CDH13: variants seen among roughly 807,000 people sequenced by gnomAD.
The protein encoded by CDH13 is cadherin-13.
A neutral mutation model predicts 63.8 loss-of-function variants in CDH13; 24 were observed. That is an observed-to-expected ratio of 0.38 (90% confidence interval 0.27 to 0.53). The LOEUF (loss-of-function observed/expected upper bound fraction) is 0.53. CDH13 is among the 20% of genes least tolerant of loss of function. The pLI is 0.85. For missense variants in CDH13, 1,049 were observed against 903.1 expected (o/e 1.16, Z -2.07); for synonymous variants, 503 against 355.3 (o/e 1.42, Z -4.67).
chr16:82,835,305 C>G (rs2038718518), intron 1 of CDH13, among the ~76,000 whole-genome samples: 1 of 152,188 alleles, frequency 6.6e-6, no homozygotes, highest in African/African-American at 2.4e-5. Flanking sequence ...AGAGCTGGAA[C>G]CAATTTATGC....
At position 82,970,382 on chromosome 16, in the gene CDH13, CTTTTTTTTTTTTT is replaced by C. The variant is rs558393653; in HGVS notation, c.158-61612_158-61600del. ...TTTGCTATTGTGAACAGTGCATATT[CTTTTTTTTTTTTT>C]TTTTTTTTTTTTTTTGAGACGGAGT... is the stretch of plus-strand genomic sequence containing the variant. On this transcript the variant is annotated intron_variant, in intron 2 of 13. Transcript: ENST00000567109. 7.8e-5 allele frequency among the ~76,000 whole-genome samples: 6 copies of C among 76,750 alleles called. 1 individual carries two copies. The highest frequency in any genetic ancestry group is 1.6e-4 in the Non-Finnish European group (6 of 38,502). The allele number at this position is 76,750 out of a possible 152,430, so 50.4% of individuals were successfully genotyped here. A position where few individuals can be genotyped will look rare whatever the true frequency, so the allele number is the denominator to read the frequency against.
intron 5 of CDH13, among the ~76,000 whole-genome samples, chr16:83,337,941 T>G (rs980290541): frequency 6.6e-6 from 1 of 151,622 alleles, no homozygotes; most frequent in Non-Finnish European, 1.5e-5. Context: ...ACAAAAAAAA[T>G]GTAAGGGAGT....
intron 1 of CDH13, among the ~76,000 whole-genome samples, chr16:82,804,366 A>C (rs996218416): frequency 6.6e-6 from 1 of 152,098 alleles, no homozygotes; most frequent in African/African-American, 2.4e-5. Context: ...GGTGATGGAT[A>C]TATTTACTAC....
At chr16:83,757,317 C>G (rs1567575802) in intron 11 of CDH13, among the ~76,000 whole-genome samples, 1 of 152,184 alleles carries the variant, frequency 6.6e-6, no homozygotes, top group Non-Finnish European at 1.5e-5. Flanking sequence ...GTGGCTCACT[C>G]CTGTAATCCC....
intron 2 of CDH13, among the ~76,000 whole-genome samples, chr16:82,886,895 G>A (rs1477783050): frequency 6.6e-6 from 1 of 152,082 alleles, no homozygotes; most frequent in African/African-American, 2.4e-5. Context: ...TATTCACTCT[G>A]CTCATTGAAG....
intron 7 of CDH13, among the ~76,000 whole-genome samples, chr16:83,590,379 G>T (rs969410409): frequency 6.6e-6 from 1 of 152,170 alleles, no homozygotes; most frequent in African/African-American, 2.4e-5. Flanking sequence ...TGGATGAGCA[G>T]TTGTTTGAGG....
At chr16:82,826,529 C>G (rs2038262507) in intron 1 of CDH13, 1 of 152,044 alleles carries the variant, frequency 6.6e-6, no homozygotes, top group Non-Finnish European at 1.5e-5. Flanking sequence ...ATAGGTGTTT[C>G]TATTATATGC....
At chr16:82,639,863 C>T (rs1165530152) in intron 1 of CDH13, among the ~76,000 whole-genome samples, 1 of 152,246 alleles carries the variant, frequency 6.6e-6, no homozygotes, top group African/African-American at 2.4e-5. Flanking sequence ...CAGACACTCT[C>T]TCCCTTGACA....
chr16:83,486,779 C>T, intron 7 of CDH13, 124 bp downstream of exon 7: 5 of 853,268 alleles, frequency 5.9e-6, no homozygotes, highest in Non-Finnish European at 9.1e-6. Flanking sequence ...GAGGTGTTTA[C>T]CATGTTTTGG....
intron 8 of CDH13, among the ~76,000 whole-genome samples, chr16:83,619,507 G>A (rs1909608850): frequency 6.6e-6 from 1 of 152,238 alleles, no homozygotes. Context: ...AAGTCCAAGA[G>A]CAAGGCACTG....
intron 3 of CDH13, among the ~76,000 whole-genome samples, chr16:83,042,036 AT>A (rs573896855): frequency 2.0e-5 from 3 of 152,072 alleles, no homozygotes; most frequent in African/African-American, 7.2e-5. Flanking sequence ...GTAAACTGCA[AT>A]TTTTTTCTAC....
intron 8 of CDH13, among the ~76,000 whole-genome samples, chr16:83,603,134 T>G (rs986337676): frequency 7.2e-5 from 11 of 152,226 alleles, no homozygotes; most frequent in African/African-American, 2.7e-4. Context: ...TCCCATTTAT[T>G]CCAAGGGAGC....
intron 1 of CDH13, among the ~76,000 whole-genome samples, chr16:82,729,192 C>T (rs1405944009): frequency 6.6e-6 from 1 of 152,170 alleles, no homozygotes. Flanking sequence ...GACACTTTGA[C>T]CTCCTTCCAT....
At chr16:82,707,680 G>T (rs910256146) in intron 1 of CDH13, among the ~76,000 whole-genome samples, 2 of 152,256 alleles carry the variant, frequency 1.3e-5, no homozygotes, top group Non-Finnish European at 2.9e-5. Flanking sequence ...GGTAACACCC[G>T]TTGCCCTCTT....
intron 2 of CDH13, among the ~76,000 whole-genome samples, chr16:82,906,324 C>A (rs1341552679): frequency 2.6e-5 from 4 of 152,168 alleles, no homozygotes; most frequent in African/African-American, 4.8e-5. Context: ...TCCTTTAACA[C>A]ATGATTGGCC....
intron 1 of CDH13, among the ~76,000 whole-genome samples, chr16:82,716,221 T>G (rs1017430414): frequency 6.6e-6 from 1 of 152,166 alleles, no homozygotes; most frequent in Non-Finnish European, 1.5e-5. Context: ...CTCTGCTTCC[T>G]GCCTTTATGG....
chr16:83,094,567 G>A (rs1252604022), intron 3 of CDH13, among the ~76,000 whole-genome samples: 1 of 152,140 alleles, frequency 6.6e-6, no homozygotes, highest in African/African-American at 2.4e-5. Flanking sequence ...TATAATCTTG[G>A]GAGAGGTGCT....
chr16:83,385,536 A>G (rs1307617968), intron 6 of CDH13, among the ~76,000 whole-genome samples: 1 of 152,214 alleles, frequency 6.6e-6, no homozygotes, highest in Non-Finnish European at 1.5e-5. Flanking sequence ...CTTATTTATA[A>G]CAAAATGTCT....
chr16:82,676,295 T>C (rs1029156410), intron 1 of CDH13, among the ~76,000 whole-genome samples: 4 of 152,078 alleles, frequency 2.6e-5, no homozygotes, highest in Non-Finnish European at 5.9e-5. Context: ...TAGTGTGTGA[T>C]CTTCCCTCCT....
Sources: allele counts gnomAD v4.1 joint callset (sites outside exome capture counted in the v4.1 genomes callset), GRCh38; gene constraint gnomAD v4.1.1; transcripts MANE v1.5; gene names NCBI Gene and HGNC (gene_info 2026-07-23, HGNC 2026-07-21).